Variants in ELMO1 observed in about 807,000 individuals in gnomAD.
ELMO1 encodes engulfment and cell motility 1, also known as engulfment and cell motility protein 1.
In ELMO1, 26 loss-of-function variants were observed where a neutral mutation model predicts 98.9. The observed-to-expected ratio is 0.26, with a 90% CI of 0.19 to 0.36. ELMO1 has a LOEUF of 0.36. ELMO1 is among the 10% of genes least tolerant of loss of function. The pLI, the probability that ELMO1 is intolerant of heterozygous loss-of-function variation, is 1.00. For missense variants in ELMO1, 627 were observed against 935.2 expected (o/e 0.67, Z 4.30); for synonymous variants, 346 against 346.0 (o/e 1.00, Z 0.00).
chr7:37,100,765 C>T (rs927663714), intron 14 of ELMO1, among the ~76,000 whole-genome samples: 9 of 152,152 alleles, frequency 5.9e-5, no homozygotes, highest in Admixed American at 3.3e-4. Context: ...ACAGGCCACA[C>T]GAAGGACAGT....
At chr7:36,892,236 T>C (rs1805618219) in intron 17 of ELMO1, among the ~76,000 whole-genome samples, 1 of 152,188 alleles carries the variant, frequency 6.6e-6, no homozygotes, top group Admixed American at 6.5e-5. Context: ...GGCAGCCTGA[T>C]GGCTAGTGGG....
intron 1 of ELMO1, among the ~76,000 whole-genome samples, chr7:37,431,210 G>A (rs975004331): frequency 1.3e-5 from 2 of 152,164 alleles, no homozygotes; most frequent in Admixed American, 6.5e-5. Context: ...GGTGGTGCAT[G>A]TCTATAGTCC....
intron 4 of ELMO1, among the ~76,000 whole-genome samples, chr7:37,286,669 A>G (rs1015375710): frequency 6.6e-6 from 1 of 152,190 alleles, no homozygotes; most frequent in Non-Finnish European, 1.5e-5. Flanking sequence ...AAGGAGGGAG[A>G]GAAGGGAGAG....
intron 8 of ELMO1, among the ~76,000 whole-genome samples, chr7:37,227,155 AC>A (rs1428858107): frequency 6.6e-6 from 1 of 152,208 alleles, no homozygotes; most frequent in Non-Finnish European, 1.5e-5. Flanking sequence ...TCCCTGTGAT[AC>A]ATCTGACATG....
intron 4 of ELMO1, among the ~76,000 whole-genome samples, chr7:37,298,190 C>A (rs17198503): frequency 0.032 from 4,897 of 151,002 alleles, 148 homozygotes; most frequent in Middle Eastern, 0.049. Flanking sequence ...CTAAACCTAA[C>A]TACAGTGCTG....
At chr7:36,879,508 C>T (rs1415863312) in intron 18 of ELMO1, among the ~76,000 whole-genome samples, 1 of 152,228 alleles carries the variant, frequency 6.6e-6, no homozygotes, top group Admixed American at 6.5e-5. Flanking sequence ...AAATTGCTGT[C>T]ACTGCAAACC....
At chr7:37,315,891 G>A in intron 3 of ELMO1, 29 bp downstream of exon 3, 1 of 1,566,134 alleles carries the variant, frequency 6.4e-7, no homozygotes, top group Non-Finnish European at 8.7e-7. Context: ...CAACTAGAAT[G>A]CCTTAGATAA....
intron 16 of ELMO1, among the ~76,000 whole-genome samples, chr7:36,974,006 A>G (rs992773687): frequency 6.6e-6 from 1 of 152,174 alleles, no homozygotes; most frequent in Non-Finnish European, 1.5e-5. Context: ...GCAGCCCGCC[A>G]TGCCTGAGCC....
At chr7:37,027,786 T>C (rs564565112) in intron 15 of ELMO1, among the ~76,000 whole-genome samples, 49 of 151,738 alleles carry the variant, frequency 3.2e-4, no homozygotes, top group African/African-American at 1.2e-3. Flanking sequence ...CCTCCAGCAC[T>C]GTGATAACAA....
intron 2 of ELMO1, among the ~76,000 whole-genome samples, chr7:37,337,069 T>A (rs867928234): frequency 3.3e-5 from 5 of 152,214 alleles, no homozygotes; most frequent in African/African-American, 1.2e-4. Flanking sequence ...CAGAGGATTA[T>A]AAATCATGCT....
At chr7:37,026,942 C>T (rs1301433003) in intron 15 of ELMO1, among the ~76,000 whole-genome samples, 3 of 152,132 alleles carry the variant, frequency 2.0e-5, no homozygotes, top group African/African-American at 7.2e-5. Flanking sequence ...TGGTTTCCTG[C>T]CTCCTCATGC....
At chr7:37,115,179 G>A (rs1174561253) in intron 14 of ELMO1, among the ~76,000 whole-genome samples, 1 of 152,098 alleles carries the variant, frequency 6.6e-6, no homozygotes, top group Non-Finnish European at 1.5e-5. Flanking sequence ...ATTTAAACAA[G>A]AAAATGATAC....
chr7:37,109,303 C>T (rs1359147757), intron 14 of ELMO1, among the ~76,000 whole-genome samples: 1 of 152,212 alleles, frequency 6.6e-6, no homozygotes, highest in Non-Finnish European at 1.5e-5. Context: ...TGAAAATAAA[C>T]ATTTACAGAA....
At chr7:37,114,517 GGCAACCCATATTTAGC>G (rs1785450205) in intron 14 of ELMO1, among the ~76,000 whole-genome samples, 1 of 152,200 alleles carries the variant, frequency 6.6e-6, no homozygotes, top group Non-Finnish European at 1.5e-5. Context: ...GCCTTATCAA[GGCAACCCATATTTAGC>G]GCCATGAAAC....
At chr7:37,009,335 A>G (rs1489257147) in intron 16 of ELMO1, among the ~76,000 whole-genome samples, 1 of 152,216 alleles carries the variant, frequency 6.6e-6, no homozygotes, top group African/African-American at 2.4e-5. Flanking sequence ...GCAGAGTGCT[A>G]TATTGAGAAA....
chr7:37,148,695 G>T (rs1169459543), intron 13 of ELMO1, among the ~76,000 whole-genome samples: 1 of 152,142 alleles, frequency 6.6e-6, no homozygotes, highest in African/African-American at 2.4e-5. Context: ...AAAGATATTT[G>T]CAATTTTTCT....
intron 13 of ELMO1, among the ~76,000 whole-genome samples, chr7:37,164,197 T>C (rs1298032456): frequency 1.3e-5 from 2 of 152,242 alleles, no homozygotes; most frequent in African/African-American, 2.4e-5. Flanking sequence ...TTGTTATTTC[T>C]TGTAAATTTG....
rs988576159 is a variant in ELMO1, at chr7:37,268,546, C to T, written c.243+3286G>A. On this transcript the variant is annotated intron_variant, in intron 5 of 21. Coordinates refer to ENST00000310758, the MANE Select transcript of ELMO1 (RefSeq NM_014800.11). ...TGAACTCCTGACCTCGTGATCTACC[C>T]GCCTTGGCCTCCCAAAGTGCTGGGT... is the stretch of plus-strand genomic sequence containing the variant. Among the ~76,000 whole-genome samples the T allele has an allele frequency of 5.9e-5, 9 of 152,266 alleles. No individual in the cohort carries two copies. In the East Asian group the frequency reaches 1.2e-3, roughly 20 times the overall value.
intron 15 of ELMO1, among the ~76,000 whole-genome samples, chr7:37,066,773 T>G (rs1797001857): frequency 6.6e-6 from 1 of 152,134 alleles, no homozygotes; most frequent in African/African-American, 2.4e-5. Flanking sequence ...TATTTGCCAA[T>G]TAAAAAATAA....
Sources: gnomAD v4.1 joint callset for allele counts (sites outside exome capture counted in the v4.1 genomes callset) on GRCh38, gnomAD v4.1.1 for gene constraint, MANE v1.5 for transcripts, NCBI Gene and HGNC (gene_info 2026-07-23, HGNC 2026-07-21) for gene names.